Variants in NSUN7 observed in about 807,000 individuals in gnomAD.
NSUN7 encodes NOP2/Sun RNA methyltransferase family member 7, also known as protein NSUN7.
NSUN7 carries 39 observed loss-of-function variants against 58.5 expected under a neutral mutation model. The observed-to-expected ratio is 0.67, with a 90% CI of 0.52 to 0.87. NSUN7 has a LOEUF of 0.87. Among genes scored for constraint, NSUN7 ranks in the 40% least tolerant of loss-of-function variants. The pLI is 0.00. For synonymous variants in NSUN7, 278 were observed against 303.7 expected, an observed-to-expected ratio of 0.92 and a Z score of 0.88; for missense variants, 765 against 844.1, an observed-to-expected ratio of 0.91 and a Z score of 1.16.
intron 7 of NSUN7, among the ~76,000 whole-genome samples, chr4:40,780,067 G>A (rs1252785911): frequency 6.6e-6 from 1 of 152,114 alleles, no homozygotes; most frequent in Non-Finnish European, 1.5e-5. Flanking sequence ...GATCACCTGC[G>A]GCCAGGAGTT....
In NSUN7 at chr4:40,787,182, T is replaced by C. The variant is rs2437315; in HGVS notation, c.1037-3420T>C. 5.1e-3 allele frequency among the ~76,000 whole-genome samples: 775 copies of C among 152,192 alleles called. 6 individuals carry two copies. Among genetic ancestry groups the C allele is most frequent in the African/African-American group, 0.018 (743 of 41,550 alleles). Reference sequence around the variant, plus strand: ...TTAAAAAGAAAATATAATTTTACACTGCGGAAGGCCGCAGGGACCTCTGCC... The same window carrying C: ...TTAAAAAGAAAATATAATTTTACACCGCGGAAGGCCGCAGGGACCTCTGCC... On this transcript the variant is annotated intron_variant, in intron 7 of 11. Coordinates refer to ENST00000381782, the MANE Select transcript of NSUN7 (RefSeq NM_024677.6).
chr4:40,798,457 G>C (rs750990000), intron 9 of NSUN7, among the ~76,000 whole-genome samples: 7 of 152,174 alleles, frequency 4.6e-5, no homozygotes, highest in Non-Finnish European at 8.8e-5. Flanking sequence ...AAACTATTTA[G>C]GCAATATCGC....
Position 40,776,253 on chromosome 4 carries a change from T to C in NSUN7, c.1030T>C (p.Cys344Arg). ...DLKTLFTKIG[C>R]KNIEILHEKF... ...GAAGACCCTTTTCACAAAAATAGGA[T>C]GTAAAAGTATGTAAAAATATTTCTT... The change falls in exon 7 of 12, where the codon TGT (cysteine) becomes CGT (arginine). Residue 344 changes from cysteine to arginine, a missense_variant. Transcript: ENST00000381782. 5.1e-6 allele frequency: 8 copies of C among 1,562,026 alleles called. No individual in the cohort carries two copies. Among genetic ancestry groups the C allele is most frequent in the Non-Finnish European group, 6.9e-6 (8 of 1,152,102 alleles).
At chr4:40,792,730 C>A (rs891117253) in intron 8 of NSUN7, among the ~76,000 whole-genome samples, 15 of 150,062 alleles carry the variant, frequency 1.0e-4, no homozygotes, top group Admixed American at 5.4e-4. Context: ...CCAGCCTGGG[C>A]GACAGCAAGA....
intron 4 of NSUN7, among the ~76,000 whole-genome samples, chr4:40,766,297 G>C (rs1304795340): frequency 3.0e-4 from 45 of 149,968 alleles, no homozygotes; most frequent in African/African-American, 1.1e-3. Flanking sequence ...ATGAAGGGTT[G>C]TTGAATTTTG....
chr4:40,785,608 G>A (rs563215950), intron 7 of NSUN7, among the ~76,000 whole-genome samples: 6 of 152,256 alleles, frequency 3.9e-5, no homozygotes, highest in East Asian at 3.9e-4. Context: ...TGATCCACCC[G>A]CCTCGGCCTC....
chr4:40,808,618 T>A lies in NSUN7; in HGVS notation c.1836T>A (p.His612Gln). The change falls in exon 12 of 12, where the codon CAT (histidine) becomes CAA (glutamine). Residue 612 changes from histidine to glutamine, a missense_variant. By Grantham distance (24) the His-to-Gln change is conservative (BLOSUM62 0). Transcript: ENST00000381782. ...GAAAACCCAACAAGCTGGCCCCCCA[T>A]CCTGCAGTGCCTGCATTTGTGAAGA... ...QTRKPNKLAP[H>Q]PAVPAFVKNT... The A allele has an allele frequency of 6.4e-7, 1 of 1,551,764 alleles. No individual in the cohort carries two copies. The highest frequency in any genetic ancestry group is 8.7e-7 in the Non-Finnish European group (1 of 1,147,018).
chr4:40,754,957 A>G (rs534165283), intron 2 of NSUN7, among the ~76,000 whole-genome samples: 3 of 152,206 alleles, frequency 2.0e-5, no homozygotes, highest in Non-Finnish European at 2.9e-5. Flanking sequence ...GTTTTTTGAA[A>G]TGAAGAGTGC....
chr4:40,803,355 TCAC>T (rs1258228879), intron 10 of NSUN7, among the ~76,000 whole-genome samples: 2 of 152,218 alleles, frequency 1.3e-5, no homozygotes, highest in Non-Finnish European at 2.9e-5. Flanking sequence ...CCCTGAGGAA[TCAC>T]CACACTGACT....
At chr4:40,799,498 A>G (rs945866643) in intron 10 of NSUN7, among the ~76,000 whole-genome samples, 5 of 91,792 alleles carry the variant, frequency 5.4e-5, no homozygotes, top group Non-Finnish European at 9.9e-5. Flanking sequence ...TGTGTGTTTA[A>G]AAAAAAAAAA....
At chr4:40,778,897 C>T (rs1224677509) in intron 7 of NSUN7, among the ~76,000 whole-genome samples, 1 of 152,006 alleles carries the variant, frequency 6.6e-6, no homozygotes, top group Non-Finnish European at 1.5e-5. Flanking sequence ...AAAGAAACTG[C>T]CAGGCTAGAT....
intron 7 of NSUN7, among the ~76,000 whole-genome samples, chr4:40,784,053 T>C (rs964483128): frequency 5.3e-5 from 8 of 152,278 alleles, no homozygotes; most frequent in African/African-American, 1.7e-4. Flanking sequence ...CTCAAAATCA[T>C]TCATCATTAG....
At chr4:40,763,575 C>A (rs1279895344) in intron 4 of NSUN7, among the ~76,000 whole-genome samples, 1 of 152,092 alleles carries the variant, frequency 6.6e-6, no homozygotes, top group South Asian at 2.1e-4. Flanking sequence ...AGGGCTCTAA[C>A]CAAGTAAGAA....
In NSUN7 at chr4:40,750,903, T is replaced by C. The variant is rs755261412; in HGVS notation, c.210T>C (p.Tyr70=). The C allele has an allele frequency of 1.1e-5, 18 of 1,614,208 alleles. 1 individual carries two copies. In the South Asian group the frequency reaches 1.4e-4, roughly 13 times the overall value. ...CGGCACAGAAAGTCTTAATCAAGTA[T>C]GGGAATGAACCCCTGCGGTCCTTGT... The part of the protein sequence containing the change: ...EKSAQKVLIK[Y]GNEPLRSLSE... The change falls in exon 2 of 12, where the codon TAT becomes TAC. Residue 70 remains tyrosine, a synonymous_variant. Transcript: ENST00000381782.
intron 10 of NSUN7, among the ~76,000 whole-genome samples, chr4:40,805,781 T>C (rs1399424291): frequency 1.3e-5 from 2 of 152,132 alleles, no homozygotes; most frequent in Admixed American, 1.3e-4. Context: ...CTCTCCCAGC[T>C]TGTGGTGGTT....
chr4:40,780,807 ATATATATTTTT>A (rs1560555682), intron 7 of NSUN7, among the ~76,000 whole-genome samples: 3 of 100,642 alleles, frequency 3.0e-5, no homozygotes, highest in African/African-American at 1.2e-4. Context: ...ATATATATAT[ATATATATTTTT>A]TTTTTTTTTT....
At chr4:40,795,403 T>G (rs1471560385) in intron 9 of NSUN7, among the ~76,000 whole-genome samples, 2 of 152,214 alleles carry the variant, frequency 1.3e-5, no homozygotes, top group African/African-American at 4.8e-5. Flanking sequence ...ATGATATGGA[T>G]ATGATCTAGG....
Position 40,761,225 on chromosome 4 carries a change from A to G in NSUN7, c.412A>G (p.Lys138Glu), listed in dbSNP as rs778892752. The stretch of plus-strand genomic sequence containing the variant: ...GATGCTATATGATTTCCAAGATAGA[A>G]AATTTCAAACTCGTGTCCTTTCTGA... ...IVMLYDFQDR[K>E]FQTRVLSDNE... The change falls in exon 4 of 12, where the codon AAA (lysine) becomes GAA (glutamate). Residue 138 changes from lysine to glutamate, a missense_variant. Physicochemically the swap from Lys to Glu is moderately conservative, Grantham distance 56. Coordinates refer to ENST00000381782, the MANE Select transcript of NSUN7 (RefSeq NM_024677.6). 18 of 1,585,432 alleles carry G rather than the reference A, an allele frequency of 1.1e-5. No individual in the cohort carries two copies. The highest frequency in any genetic ancestry group is 1.5e-5 in the Non-Finnish European group (18 of 1,171,470).
At chr4:40,763,909 A>G (rs1442351743) in intron 4 of NSUN7, among the ~76,000 whole-genome samples, 1 of 152,124 alleles carries the variant, frequency 6.6e-6, no homozygotes, top group African/African-American at 2.4e-5. Flanking sequence ...ATTGTACTCA[A>G]TTCACGTTAT....
Sources: gnomAD v4.1 joint callset for allele counts (sites outside exome capture counted in the v4.1 genomes callset) on GRCh38, gnomAD v4.1.1 for gene constraint, MANE v1.5 for transcripts, NCBI Gene and HGNC (gene_info 2026-07-23, HGNC 2026-07-21) for gene names.